MASP2: variants seen among roughly 807,000 people sequenced by gnomAD.
MASP2 encodes the protein MBL associated serine protease 2, also known as mannan-binding lectin serine protease 2.
MASP2 carries 49 observed loss-of-function variants against 57.1 expected under a neutral mutation model. That is an observed-to-expected ratio of 0.86 (90% CI 0.68 to 1.09). The LOEUF (loss-of-function observed/expected upper bound fraction) is 1.09. Ranked by LOEUF, MASP2 falls within the 50% of genes least tolerant of loss-of-function variation. MASP2 has a pLI of 0.00. For synonymous variants in MASP2, 379 were observed against 340.8 expected, an observed-to-expected ratio of 1.11 and a Z score of -1.24; for missense variants, 900 against 874.8, an observed-to-expected ratio of 1.03 and a Z score of -0.36.
intron 4 of MASP2, among the ~76,000 whole-genome samples, chr1:11,044,349 C>T (rs137979856): frequency 1.3e-5 from 2 of 152,156 alleles, no homozygotes; most frequent in Non-Finnish European, 2.9e-5. Flanking sequence ...ATACCACCAC[C>T]CCACCCCCAG....
In MASP2 at chr1:11,027,020, ACTAT is replaced by A. The variant is rs1452466581; in HGVS notation, c.1922_1925del (p.Asp641ValfsTer11). The A allele has an allele frequency of 1.9e-6, 3 of 1,598,032 alleles. No individual in the cohort carries two copies. Among genetic ancestry groups the A allele is most frequent in the Non-Finnish European group, 8.5e-7 (1 of 1,172,654 alleles). On this transcript the variant is annotated frameshift_variant, in exon 11 of 11. Transcript: ENST00000400897. LOFTEE classifies it high-confidence loss of function. ...CTCCCACAAACCACCTCTCTGTTTC[ACTAT>A]CTAGAAACACCAGTGCCCCTCCGCT...
Position 11,037,793 on chromosome 1 carries a change from G to A in MASP2, c.908C>T (p.Pro303Leu), listed in dbSNP as rs1638297108. 8 of 1,612,024 alleles carry A rather than the reference G, an allele frequency of 5.0e-6. No individual in the cohort carries two copies. Among genetic ancestry groups the A allele is most frequent in the Non-Finnish European group, 6.8e-6 (8 of 1,179,028 alleles). Residue 303 changes from proline (P) to leucine (L), a missense_variant, in exon 7 of 11, where the codon CCG becomes CTG. Coordinates refer to ENST00000400897, the MANE Select transcript of MASP2 (RefSeq NM_006610.4). ...YTSTAQPCPY[P>L]MAPPNGHVSP... ...AACGTGGCCATTAGGTGGCGCCATC[G>A]GATAAGGGCAAGGCTGCGCTGCGCA... is the stretch of plus-strand genomic sequence containing the variant.
chr1:11,043,091 C>G, intron 5 of MASP2, 69 bp from the exon 6 acceptor site: 6 of 1,538,838 alleles, frequency 3.9e-6, no homozygotes. Flanking sequence ...GGGAAGTAAC[C>G]CACCTCCTCA....
intron 8 of MASP2, among the ~76,000 whole-genome samples, chr1:11,031,213 C>T (rs957087780): frequency 1.6e-4 from 24 of 151,630 alleles, no homozygotes; most frequent in Non-Finnish European, 2.4e-4. Flanking sequence ...CTCCTTAGCA[C>T]CCTCATGTCA....
chr1:11,037,708 G>GC lies in MASP2; in HGVS notation c.992dup (p.Tyr332LeufsTer2), dbSNP rs1638290493. 1 of 1,610,112 alleles carries GC rather than the reference G, an allele frequency of 6.2e-7. No individual in the cohort carries two copies. The highest frequency in any genetic ancestry group is 1.3e-5 in the African/African-American group (1 of 74,720). On this transcript the variant is annotated frameshift_variant, in exon 7 of 11. Coordinates refer to ENST00000400897, the MANE Select transcript of MASP2 (RefSeq NM_006610.4). LOFTEE classifies it high-confidence loss of function. The stretch of plus-strand genomic sequence containing the variant: ...TTTAACTCACTTGCAGAAGCTCATA[G>GC]CCAGTCTCGCAAAAGATGGAGAAGC...
rs1643762836 is a variant in MASP2 at position 11,027,665 on chromosome 1, ATAGG to A, written c.1298-21_1298-18del. 6.3e-7 allele frequency: 1 copy of A among 1,579,674 alleles called. No homozygotes were observed. The highest frequency in any genetic ancestry group is 8.6e-7 in the Non-Finnish European group (1 of 1,164,042). On this transcript the variant is annotated intron_variant, in intron 10 of 10. Transcript: ENST00000400897. ...GTCCACAAACTGGAGAAAGAAGCAG[ATAGG>A]TAGAGAGCCTTTGTAAAAATGTCAA...
rs749538988 is a variant in MASP2, at chr1:11,045,517, G to C, written c.435C>G (p.Ala145=). The change falls in exon 4 of 11, where the codon GCC becomes GCG. Residue 145 remains alanine, a synonymous_variant. Transcript: ENST00000400897. ...GGTCGCAGGTGGGCGCCTCTCCCGGGGCCACCTGGCACTCGTCAATGTCTG... is the reference window on the plus strand; with the variant it reads ...GGTCGCAGGTGGGCGCCTCTCCCGGCGCCACCTGGCACTCGTCAATGTCTG... ...AAEDIDECQV[A]PGEAPTCDHH... The C allele has an allele frequency of 5.0e-6, 8 of 1,608,138 alleles. No individual in the cohort carries two copies. The East Asian group carries it at 1.8e-4, about 36-fold the overall frequency.
chr1:11,033,759 C>T (rs1009360556), intron 8 of MASP2, among the ~76,000 whole-genome samples: 11 of 151,686 alleles, frequency 7.3e-5, no homozygotes, highest in African/African-American at 1.2e-4. Context: ...GGTGAAACCT[C>T]GTCTTTACCA....
Position 11,026,807 on chromosome 1 carries a change from GCTT to G in MASP2, c.*75_*77del. The G allele has an allele frequency of 7.9e-7, 1 of 1,263,948 alleles. No homozygotes were observed. The highest frequency in any genetic ancestry group is 1.1e-6 in the Non-Finnish European group (1 of 937,304). The allele number at this position is 1,263,948 out of a possible 1,614,324, so 78.3% of individuals were successfully genotyped here. On this transcript the variant is annotated 3_prime_UTR_variant, in exon 11 of 11. Coordinates refer to ENST00000400897, the MANE Select transcript of MASP2 (RefSeq NM_006610.4). ...TGCCATGTCCACAGTAATGATGAAT[GCTT>G]CTCGAGCCACGTCGCTGCCAAGGTC...
Position 11,026,797 on chromosome 1 carries a change from A to T in MASP2, c.*88T>A. ...GAGCAACAACTGCCATGTCCACAGT[A>T]ATGATGAATGCTTCTCGAGCCACGT... On this transcript the variant is annotated 3_prime_UTR_variant, in exon 11 of 11. Transcript: ENST00000400897. 8.6e-7 allele frequency: 1 copy of T among 1,158,938 alleles called. No homozygotes were observed. Among genetic ancestry groups the T allele is most frequent in the Non-Finnish European group, 1.2e-6 (1 of 845,188 alleles). The allele number at this position is 1,158,938 out of a possible 1,614,324, so 71.8% of individuals were successfully genotyped here. A position where few individuals can be genotyped will look rare whatever the true frequency, so the allele number is the denominator to read the frequency against.
At chr1:11,031,582 T>C (rs1330542876) in intron 8 of MASP2, among the ~76,000 whole-genome samples, 3 of 143,560 alleles carry the variant, frequency 2.1e-5, no homozygotes, top group Non-Finnish European at 4.5e-5. Context: ...TGGCACAGGT[T>C]CAATGTAAAA....
chr1:11,036,722 A>G (rs1638251717), intron 7 of MASP2, among the ~76,000 whole-genome samples: 1 of 148,658 alleles, frequency 6.7e-6, no homozygotes, highest in Non-Finnish European at 1.5e-5. Flanking sequence ...CTGGGATTCC[A>G]TGACAATTTT....
intron 7 of MASP2, among the ~76,000 whole-genome samples, chr1:11,036,314 C>T (rs1255442346): frequency 1.3e-5 from 2 of 150,374 alleles, no homozygotes; most frequent in Non-Finnish European, 1.5e-5. Flanking sequence ...ACCATCCTGG[C>T]TAACAAGGTG....
At chr1:11,046,870 G>C (rs774264971) in intron 2 of MASP2, 21 bp downstream of exon 2, 1 of 1,555,160 alleles carries the variant, frequency 6.4e-7, no homozygotes, top group African/African-American at 1.4e-5. Context: ...AGAAACCCCA[G>C]CCCTCCCGTC....
rs1638261375 is a variant in MASP2, at chr1:11,036,974, CT to C, written c.1008+718del. 2.0e-5 allele frequency among the ~76,000 whole-genome samples: 3 copies of C among 152,280 alleles called. No homozygotes were observed. In the South Asian group the frequency reaches 6.2e-4, roughly 32 times the overall value. ...TGGGCACATGGAACAGGATAGCAAA[CT>C]CATCTTTCTGTCATTCCAGCCACTT... On this transcript the variant is annotated intron_variant, in intron 7 of 10. Transcript: ENST00000400897.
intron 4 of MASP2, chr1:11,044,767 C>CCCAA: frequency 1.6e-6 from 2 of 1,235,644 alleles, no homozygotes; most frequent in Non-Finnish European, 2.2e-6. Context: ...CGCCTCCCGA[C>CCCAA]CCTCCCACCC....
chr1:11,041,531 G>T (rs1017075316), intron 6 of MASP2, among the ~76,000 whole-genome samples: 8 of 145,378 alleles, frequency 5.5e-5, no homozygotes, highest in African/African-American at 1.0e-4. Context: ...TAGACAAATG[G>T]GTGGATGGAC....
At chr1:11,044,836 T>A in intron 4 of MASP2, 1 of 1,395,668 alleles carries the variant, frequency 7.2e-7, no homozygotes, top group Non-Finnish European at 9.5e-7. Flanking sequence ...CCATGGTGGG[T>A]GAATGGGAGT....
rs1182540337 is a variant in MASP2 at position 11,044,178 on chromosome 1, G to C, written c.545-643C>G. 3.3e-5 allele frequency among the ~76,000 whole-genome samples: 5 copies of C among 152,296 alleles called. No individual in the cohort carries two copies. The East Asian group carries it at 9.7e-4, about 29-fold the overall frequency. On this transcript the variant is annotated intron_variant, in intron 4 of 10. Coordinates refer to ENST00000400897, the MANE Select transcript of MASP2 (RefSeq NM_006610.4). Reference sequence around the variant, plus strand: ...GGTCTCTCATCACCCCCTTTCCCCAGGTCTGACCCCTGCCCTGGGGGCTGC... The same window carrying C: ...GGTCTCTCATCACCCCCTTTCCCCACGTCTGACCCCTGCCCTGGGGGCTGC...
Sources: allele counts gnomAD v4.1 joint callset (sites outside exome capture counted in the v4.1 genomes callset), GRCh38; gene constraint gnomAD v4.1.1; transcripts MANE v1.5; gene names NCBI Gene and HGNC (gene_info 2026-07-23, HGNC 2026-07-21).